The following WIF1 variants were observed in gnomAD, a reference collection of about 807,000 sequenced individuals.
WIF1 encodes Wnt inhibitory factor 1.
WIF1 carries 35 observed loss-of-function variants against 53.5 expected under a neutral mutation model. That is an observed-to-expected ratio of 0.65 (90% confidence interval 0.50 to 0.87). The LOEUF is 0.87. WIF1 is among the 40% of genes least tolerant of loss of function. The pLI is 0.00. For missense variants in WIF1, 467 were observed against 476.8 expected (o/e 0.98, Z 0.19); for synonymous variants, 171 against 170.4 (o/e 1.00, Z -0.03).
chr12:65,051,211 T>G lies in WIF1; in HGVS notation c.*138A>C. Reference sequence around the variant, plus strand: ...CTTAAAAGGAAGAGTAAATATCAGCTCAGTGATTTATAATGAAGCTAATAA... The same window carrying G: ...CTTAAAAGGAAGAGTAAATATCAGCGCAGTGATTTATAATGAAGCTAATAA... On this transcript the variant is annotated 3_prime_UTR_variant, in exon 10 of 10. Coordinates refer to ENST00000286574, the MANE Select transcript of WIF1 (RefSeq NM_007191.5). 1 of 1,117,074 alleles carries G rather than the reference T, an allele frequency of 9.0e-7. No individual in the cohort carries two copies. Among genetic ancestry groups the G allele is most frequent in the Admixed American group, 3.2e-5 (1 of 30,998 alleles). 69.2% of individuals were successfully genotyped at this position (1,117,074 alleles called of 1,614,324 possible).
chr12:65,121,051 T>C lies in WIF1; in HGVS notation c.141A>G (p.Val47=), dbSNP rs1242486866. The C allele has an allele frequency of 6.6e-7, 1 of 1,509,272 alleles. No individual in the cohort carries two copies. The highest frequency in any genetic ancestry group is 1.4e-5 in the African/African-American group (1 of 70,926). The allele number at this position is 1,509,272 out of a possible 1,614,324, so 93.5% of individuals were successfully genotyped here. The part of the protein sequence containing the change: ...YLWIDAHQAR[V]LIGFEEDILI... ...TGGAGGCGGGGGCCTTACCTATGAG[T>C]ACTCTTGCCTGGTGAGCATCGATCC... The change falls in exon 1 of 10, where the codon GTA becomes GTG. Residue 47 remains valine (V), a synonymous_variant. Transcript: ENST00000286574.
At chr12:65,081,441 A>G (rs1055898782) in intron 2 of WIF1, among the ~76,000 whole-genome samples, 4 of 152,186 alleles carry the variant, frequency 2.6e-5, no homozygotes, top group Non-Finnish European at 5.9e-5. Flanking sequence ...TAGACTGAGA[A>G]GCATGGAATC....
chr12:65,057,066 G>A (rs1322830220), intron 7 of WIF1, among the ~76,000 whole-genome samples: 1 of 152,194 alleles, frequency 6.6e-6, no homozygotes, highest in Non-Finnish European at 1.5e-5. Flanking sequence ...GTTTATTTGG[G>A]GAAGTGATTG....
chr12:65,110,987 GCC>G (rs1883421854), intron 2 of WIF1, among the ~76,000 whole-genome samples: 1 of 152,164 alleles, frequency 6.6e-6, no homozygotes, highest in African/African-American at 2.4e-5. Context: ...CAGGGAGCAA[GCC>G]CTGCAGAAAT....
chr12:65,085,315 A>T (rs992497630), intron 2 of WIF1, among the ~76,000 whole-genome samples: 1 of 152,184 alleles, frequency 6.6e-6, no homozygotes, highest in Non-Finnish European at 1.5e-5. Flanking sequence ...GTCTAAACAC[A>T]AAATTCATCC....
intron 3 of WIF1, among the ~76,000 whole-genome samples, chr12:65,069,161 C>T (rs1467339272): frequency 1.3e-5 from 2 of 152,128 alleles, no homozygotes; most frequent in Non-Finnish European, 2.9e-5. Context: ...ATTCTGTTCA[C>T]AGTCTGGACT....
intron 2 of WIF1, among the ~76,000 whole-genome samples, chr12:65,114,782 C>T (rs976221079): frequency 5.3e-5 from 8 of 152,228 alleles, no homozygotes; most frequent in Non-Finnish European, 7.4e-5. Flanking sequence ...TATACATGAC[C>T]TCCCACATCC....
chr12:65,072,666 T>A (rs549581957), intron 3 of WIF1, among the ~76,000 whole-genome samples: 2 of 152,028 alleles, frequency 1.3e-5, no homozygotes, highest in African/African-American at 4.8e-5. Flanking sequence ...CAGTAGGAGA[T>A]GTAGAGAATA....
intron 9 of WIF1, among the ~76,000 whole-genome samples, chr12:65,053,666 C>T (rs181592226): frequency 1.3e-5 from 2 of 152,196 alleles, no homozygotes; most frequent in Admixed American, 1.3e-4. Flanking sequence ...TTCTTTATAG[C>T]AGTGTGAGAA....
At chr12:65,120,288 T>C (rs1377180366) in intron 2 of WIF1, 129 bp downstream of exon 2, 1 of 975,546 alleles carries the variant, frequency 1.0e-6, no homozygotes, top group East Asian at 2.7e-5. Flanking sequence ...ATTCTTTATT[T>C]GCTTTGGCAA....
chr12:65,068,488 T>C (rs1592390241), intron 4 of WIF1, among the ~76,000 whole-genome samples: 1 of 151,254 alleles, frequency 6.6e-6, no homozygotes, highest in Non-Finnish European at 1.5e-5. Flanking sequence ...GTTGGAGGAG[T>C]GGAGAGGGAG....
chr12:65,109,328 C>A (rs1592404280), intron 2 of WIF1, among the ~76,000 whole-genome samples: 1 of 152,316 alleles, frequency 6.6e-6, no homozygotes. Flanking sequence ...TTTATACTCT[C>A]ATAGCATCTT....
At chr12:65,090,469 T>A (rs1211751253) in intron 2 of WIF1, among the ~76,000 whole-genome samples, 2 of 152,116 alleles carry the variant, frequency 1.3e-5, no homozygotes, top group African/African-American at 4.8e-5. Context: ...AGGGAGCTGA[T>A]CATTAATCAA....
intron 2 of WIF1, among the ~76,000 whole-genome samples, chr12:65,081,817 C>A (rs1882954977): frequency 6.6e-6 from 1 of 151,432 alleles, no homozygotes; most frequent in Non-Finnish European, 1.5e-5. Context: ...GTTTTCATTG[C>A]CTCTTTAAAA....
chr12:65,062,528 C>T lies in WIF1; in HGVS notation c.779G>A (p.Gly260Glu). 1.9e-6 allele frequency: 3 copies of T among 1,609,000 alleles called. No individual in the cohort carries two copies. Among genetic ancestry groups the T allele is most frequent in the Non-Finnish European group, 2.5e-6 (3 of 1,177,328 alleles). The change falls in exon 7 of 10, where the codon GGA (glycine) becomes GAA (glutamate). Residue 260 changes from glycine (G) to glutamate (E), a missense_variant. Transcript: ENST00000286574. ...TAGTCCTGGAGGGCAAATACATTTTCCAGGGTAGAAACAGGTCCCTCCATT... is the reference window on the plus strand; with the variant it reads ...TAGTCCTGGAGGGCAAATACATTTTTCAGGGTAGAAACAGGTCCCTCCATT... Reference protein sequence around the residue: ...CFNGGTCFYPGKCICPPGLEG... With the variant: ...CFNGGTCFYPEKCICPPGLEG...
Position 65,052,633 on chromosome 12 carries a change from T to C in WIF1, c.1019-1163A>G, listed in dbSNP as rs114199471. Among the ~76,000 whole-genome samples, 790 of 152,332 alleles carry C rather than the reference T, an allele frequency of 5.2e-3. 12 individuals are homozygous for C. Among genetic ancestry groups the C allele is most frequent in the African/African-American group, 0.018 (750 of 41,566 alleles). On this transcript the variant is annotated intron_variant, in intron 9 of 9. Coordinates refer to ENST00000286574, the MANE Select transcript of WIF1 (RefSeq NM_007191.5). ...CCCCCTTCTTTCAGCTCAATTATTT[T>C]AGCTAATGTACAAAATGGCTGGGTG...
At chr12:65,103,063 C>T (rs1278848299) in intron 2 of WIF1, among the ~76,000 whole-genome samples, 2 of 152,080 alleles carry the variant, frequency 1.3e-5, no homozygotes, top group Non-Finnish European at 2.9e-5. Context: ...TAGCATTTAT[C>T]GACTGGGCCC....
rs568322761 is a variant in WIF1, at chr12:65,091,150, A to T, written c.289-13296T>A. On this transcript the variant is annotated intron_variant, in intron 2 of 9. Transcript: ENST00000286574. Reference sequence around the variant, plus strand: ...TGCAGGAAATTTAAAGGATAGCGGAATAAGTTAAACTACACCACAAAGATG... The same window carrying T: ...TGCAGGAAATTTAAAGGATAGCGGATTAAGTTAAACTACACCACAAAGATG... Among the ~76,000 whole-genome samples, 9 of 152,206 alleles carry T rather than the reference A, an allele frequency of 5.9e-5. No individual in the cohort carries two copies. The South Asian group carries it at 8.3e-4, about 14-fold the overall frequency.
chr12:65,057,285 A>G (rs986367290), intron 7 of WIF1, among the ~76,000 whole-genome samples: 2 of 152,206 alleles, frequency 1.3e-5, no homozygotes, highest in Admixed American at 1.3e-4. Flanking sequence ...GGAATGCCCT[A>G]GGTCCATAAT....
Sources: allele counts gnomAD v4.1 joint callset (sites outside exome capture counted in the v4.1 genomes callset), GRCh38; gene constraint gnomAD v4.1.1; transcripts MANE v1.5; gene names NCBI Gene and HGNC (gene_info 2026-07-23, HGNC 2026-07-21).